Variants in ARL5C observed in about 807,000 individuals in gnomAD.
ARL5C encodes the protein putative ADP-ribosylation factor-like protein 5C.
A neutral mutation model predicts 20.8 loss-of-function variants in ARL5C; 21 were observed. That is an observed-to-expected ratio of 1.01 (90% CI 0.72 to 1.46). ARL5C has a LOEUF of 1.46. Among genes scored for constraint, ARL5C ranks in the 40% most tolerant of loss-of-function variants. The pLI, the probability that ARL5C is intolerant of heterozygous loss-of-function variation, is 0.00. For missense variants in ARL5C, 199 were observed against 225.1 expected (o/e 0.88, Z 0.74); for synonymous variants, 71 against 81.6 (o/e 0.87, Z 0.70).
chr17:39,160,475 C>T lies in ARL5C; in HGVS notation c.491+116G>A, dbSNP rs1597667977. The T allele has an allele frequency of 5.9e-6, 8 of 1,360,392 alleles. No homozygotes were observed. In the East Asian group the frequency reaches 1.0e-4, roughly 17 times the overall value. The allele number at this position is 1,360,392 out of a possible 1,614,324, so 84.3% of individuals were successfully genotyped here. A position where few individuals can be genotyped will look rare whatever the true frequency, so the allele number is the denominator to read the frequency against. On this transcript the variant is annotated intron_variant, in intron 5 of 5. Transcript: ENST00000269586. Reference sequence around the variant, plus strand: ...TGGGGAGATGCCAAATTGGCTTGGCCCAGGAGCCAACTGTGAACCAGATTC... The same window carrying T: ...TGGGGAGATGCCAAATTGGCTTGGCTCAGGAGCCAACTGTGAACCAGATTC...
At chr17:39,158,164 TGAGGGAGG>T (rs1159615000) in intron 5 of ARL5C, among the ~76,000 whole-genome samples, 185 of 25,362 alleles carry the variant, frequency 7.3e-3, no homozygotes, top group African/African-American at 0.024. Context: ...AGGGAGGAAG[TGAGGGAGG>T]GAGGGAGGGA....
In ARL5C at chr17:39,162,780, G is replaced by C; in HGVS notation, c.186C>G (p.Phe62Leu). 1 of 1,551,524 alleles carries C rather than the reference G, an allele frequency of 6.4e-7. No homozygotes were observed. Among genetic ancestry groups the C allele is most frequent in the Non-Finnish European group, 8.7e-7 (1 of 1,146,838 alleles). ...VEEIILPKTH[F>L]FMWDIVRPEA... ...CAGGTCTCACTATGTCCCACATGAA[G>C]AAGTGGGTCTTCGGCAGAATGATCT... The change falls in exon 3 of 6, where the codon TTC (phenylalanine) becomes TTG (leucine). Residue 62 changes from phenylalanine (F) to leucine (L), a missense_variant. Phe to Leu is a conservative substitution (Grantham distance 22, BLOSUM62 0). Coordinates refer to ENST00000269586, the MANE Select transcript of ARL5C (RefSeq NM_001143968.1).
rs185189243 is a variant in ARL5C at position 39,165,082 on chromosome 17, C to G, written c.104G>C (p.Arg35Pro). Residue 35 changes from arginine (R) to proline (P), a missense_variant, in exon 2 of 6, where the codon CGG becomes CCG. Physicochemically the swap from Arg to Pro is moderately radical, Grantham distance 103 (BLOSUM62 -2). Coordinates refer to ENST00000269586, the MANE Select transcript of ARL5C (RefSeq NM_001143968.1). ...TCCCCGCCCGAGAGTCACTTACAAC[C>G]GGTAGAGAATGGTGGTCTTTCCTTC... ...DNEGKTTILY[R>P]FLTNEVVHMC... 5.8e-6 allele frequency: 9 copies of G among 1,551,568 alleles called. No homozygotes were observed. In the Admixed American group the frequency reaches 5.9e-5, roughly 10 times the overall value.
intron 4 of ARL5C, 55 bp downstream of exon 4, chr17:39,161,213 C>A (rs1024909314): frequency 2.0e-6 from 3 of 1,482,656 alleles, no homozygotes; most frequent in Middle Eastern, 1.7e-4. Flanking sequence ...AAGTGACCAG[C>A]CTGAGGGCAC....
chr17:39,156,986 A>T (rs1318010195), intron 5 of ARL5C, 44 bp from the exon 6 acceptor site: 1 of 1,548,844 alleles, frequency 6.5e-7, no homozygotes, highest in South Asian at 1.2e-5. Flanking sequence ...AACCCAAGAG[A>T]ATGATGGCCT....
intron 2 of ARL5C, among the ~76,000 whole-genome samples, chr17:39,163,345 CCTTTCTTTCTTTCTTTCTTT>C (rs57401429): frequency 0.013 from 1,739 of 136,864 alleles, 38 homozygotes; most frequent in African/African-American, 0.041. Context: ...CAGGCTTTTG[CCTTTCTTTCTTTCTTTCTTT>C]CTTTCTTTCT....
Position 39,166,054 on chromosome 17 carries a change from C to T in ARL5C, c.-294G>A. ...CTCGCCCTGCGAAAACTCCTGAGTT[C>T]TCCGGGTGGACTGCTCCACTACCGC... On this transcript the variant is annotated 5_prime_UTR_variant, in exon 1 of 6. Coordinates refer to ENST00000269586, the MANE Select transcript of ARL5C (RefSeq NM_001143968.1). 1 of 448,448 alleles carries T rather than the reference C, an allele frequency of 2.2e-6. No homozygotes were observed. The highest frequency in any genetic ancestry group is 2.6e-5 in the South Asian group (1 of 38,036). The allele number at this position is 448,448 out of a possible 1,614,324, so 27.8% of individuals were successfully genotyped here.
At chr17:39,165,621 C>A (rs2144051357) in intron 1 of ARL5C, 94 bp downstream of exon 1, 6 of 1,502,830 alleles carry the variant, frequency 4.0e-6, no homozygotes, top group Non-Finnish European at 4.5e-6. Context: ...CCCTCGGAGC[C>A]CGAGGTCCCC....
At chr17:39,160,804 C>T in intron 4 of ARL5C, 62 bp from the exon 5 acceptor site, 1 of 1,525,594 alleles carries the variant, frequency 6.6e-7, no homozygotes. Flanking sequence ...TTCCTACTGC[C>T]TCACAGGCGC....
chr17:39,162,850 T>C lies in ARL5C; in HGVS notation c.116A>G (p.Asn39Ser), dbSNP rs657723. Residue 39 changes from asparagine (N) to serine (S), a missense_variant, in exon 3 of 6, where the codon AAT becomes AGT. Asn to Ser is a conservative substitution (Grantham distance 46). Transcript: ENST00000269586. ...GGTGGGACACATATGGACCACCTCA[T>C]TGGTCAAGCTGGGGAGGTAGGAGTG... The part of the protein sequence containing the change: ...KTTILYRFLT[N>S]EVVHMCPTIG... 0.22 allele frequency: 345,437 copies of C among 1,548,820 alleles called. 45,312 individuals are homozygous for C. The highest frequency in any genetic ancestry group is 0.61 in the African/African-American group (44,693 of 72,998).
At chr17:39,163,396 C>CTT (rs1567781477) in intron 2 of ARL5C, among the ~76,000 whole-genome samples, 26 of 32,358 alleles carry the variant, frequency 8.0e-4, no homozygotes, top group East Asian at 4.4e-3. Context: ...CTTTCTTTCT[C>CTT]TCTTTCTTTC....
intron 2 of ARL5C, 67 bp downstream of exon 2, chr17:39,165,012 G>A (rs2045455526): frequency 1.3e-6 from 2 of 1,490,500 alleles, no homozygotes; most frequent in East Asian, 4.9e-5. Context: ...TCCAGTGATT[G>A]GTCCCCCTGC....
At chr17:39,163,234 G>A (rs962433943) in intron 2 of ARL5C, among the ~76,000 whole-genome samples, 3 of 152,020 alleles carry the variant, frequency 2.0e-5, no homozygotes, top group East Asian at 1.9e-4. Flanking sequence ...TTACAGGCAT[G>A]AGCCACAGAG....
At chr17:39,156,988 T>G in intron 5 of ARL5C, 46 bp from the exon 6 acceptor site, 1 of 1,548,588 alleles carries the variant, frequency 6.5e-7, no homozygotes, top group Non-Finnish European at 8.7e-7. Context: ...CCCAAGAGAA[T>G]GATGGCCTTC....
At chr17:39,157,489 A>G (rs753370749) in intron 5 of ARL5C, among the ~76,000 whole-genome samples, 6 of 152,226 alleles carry the variant, frequency 3.9e-5, no homozygotes, top group Non-Finnish European at 8.8e-5. Context: ...CATGGGGGGT[A>G]CTTAGAAAAT....
chr17:39,162,075 C>T (rs1257769644), intron 3 of ARL5C, among the ~76,000 whole-genome samples: 2 of 152,094 alleles, frequency 1.3e-5, no homozygotes, highest in East Asian at 3.9e-4. Context: ...AGGAATTATA[C>T]CACTGAATTC....
At chr17:39,164,903 T>C in intron 2 of ARL5C, 176 bp downstream of exon 2, 1 of 624,982 alleles carries the variant, frequency 1.6e-6, no homozygotes, top group Non-Finnish European at 2.8e-6. Context: ...GTGCAGGATT[T>C]GAATGCCAGA....
In ARL5C at chr17:39,165,113, C is replaced by G; in HGVS notation, c.73G>C (p.Asp25His). The change falls in exon 2 of 6, where the codon GAC (aspartate) becomes CAC (histidine). Residue 25 changes from aspartate (D) to histidine (H), a missense_variant. By Grantham distance (81) the Asp-to-His change is moderately conservative (BLOSUM62 -1). Coordinates refer to ENST00000269586, the MANE Select transcript of ARL5C (RefSeq NM_001143968.1). ...AGAATGGTGGTCTTTCCTTCATTGT[C>G]CAGTCCCACGATGATGACCGTGTGC... ...QEHTVIIVGL[D>H]NEGKTTILYR... is the part of the protein sequence containing the mutation. 6.4e-7 allele frequency: 1 copy of G among 1,551,686 alleles called. No homozygotes were observed. The highest frequency in any genetic ancestry group is 8.7e-7 in the Non-Finnish European group (1 of 1,146,982).
chr17:39,165,008 G>GTA, intron 2 of ARL5C, 71 bp downstream of exon 2: 3 of 1,482,530 alleles, frequency 2.0e-6, no homozygotes, highest in Non-Finnish European at 2.8e-6. Context: ...GAGCTCCAGT[G>GTA]ATTGGTCCCC....
Sources: allele counts gnomAD v4.1 joint callset (sites outside exome capture counted in the v4.1 genomes callset), GRCh38; gene constraint gnomAD v4.1.1; transcripts MANE v1.5; gene names NCBI Gene and HGNC (gene_info 2026-07-23, HGNC 2026-07-21).